B3GNT3: variants seen among roughly 807,000 people sequenced by gnomAD.
B3GNT3 encodes UDP-GlcNAc:betaGal beta-1,3-N-acetylglucosaminyltransferase 3.
A neutral mutation model predicts 11.6 loss-of-function variants in B3GNT3; 7 were observed. That is an observed-to-expected ratio of 0.60 (90% CI 0.34 to 1.13). The LOEUF (loss-of-function observed/expected upper bound fraction) is 1.13. Among genes scored for constraint, B3GNT3 ranks in the 50% most tolerant of loss-of-function variants. B3GNT3 has a pLI of 0.03. For missense variants in B3GNT3, 400 were observed against 507.4 expected (o/e 0.79, Z 2.03); for synonymous variants, 201 against 222.1 (o/e 0.90, Z 0.85).
At chr19:17,803,150 C>A (rs535375055) in intron 1 of B3GNT3, among the ~76,000 whole-genome samples, 4 of 152,166 alleles carry the variant, frequency 2.6e-5, no homozygotes, top group African/African-American at 9.6e-5. Flanking sequence ...GGATTACAGG[C>A]GTGTGCCACC....
At chr19:17,808,518 G>A (rs1255634302) in intron 2 of B3GNT3, 144 bp downstream of exon 2, 1 of 881,968 alleles carries the variant, frequency 1.1e-6, no homozygotes, top group Non-Finnish European at 1.7e-6. Context: ...CACCAGCCTC[G>A]TGGAGACCCA....
chr19:17,805,396 G>C (rs1396728119), intron 1 of B3GNT3, among the ~76,000 whole-genome samples: 4 of 152,114 alleles, frequency 2.6e-5, no homozygotes, highest in African/African-American at 9.7e-5. Context: ...ACCTTGCCCA[G>C]CCCACAGGGG....
intron 1 of B3GNT3, among the ~76,000 whole-genome samples, chr19:17,800,145 C>A (rs897740138): frequency 6.6e-6 from 1 of 151,788 alleles, no homozygotes; most frequent in South Asian, 2.1e-4. Context: ...GAGGCCGAGG[C>A]GGGCAGATCA....
Position 17,807,884 on chromosome 19 carries a change from G to C in B3GNT3, c.77G>C (p.Ser26Thr). The C allele has an allele frequency of 6.2e-7, 1 of 1,613,468 alleles. No individual in the cohort carries two copies. The highest frequency in any genetic ancestry group is 1.1e-5 in the South Asian group (1 of 91,084). ...GGCGCTTTCACCCTCCTCCTCTTCAGTCTGCTAGTGTCACCACCCACCTGC... is the reference window on the plus strand; with the variant it reads ...GGCGCTTTCACCCTCCTCCTCTTCACTCTGCTAGTGTCACCACCCACCTGC... Reference protein sequence around the residue: ...AIGAFTLLLFSLLVSPPTCKV... With the variant: ...AIGAFTLLLFTLLVSPPTCKV... Residue 26 changes from serine (S) to threonine (T), a missense_variant, in exon 2 of 3, where the codon AGT becomes ACT. Transcript: ENST00000318683.
intron 1 of B3GNT3, among the ~76,000 whole-genome samples, chr19:17,796,606 G>A (rs1568388940): frequency 6.6e-6 from 1 of 152,158 alleles, no homozygotes; most frequent in African/African-American, 2.4e-5. Flanking sequence ...GAAGAGGTGT[G>A]GCCCCCAGGT....
rs760993276 is a variant in B3GNT3 at position 17,807,864 on chromosome 19, T to C, written c.57T>C (p.Ala19=). The change falls in exon 2 of 3, where the codon GCT becomes GCC. Residue 19 remains alanine (A), a synonymous_variant. Coordinates refer to ENST00000318683, the MANE Select transcript of B3GNT3 (RefSeq NM_014256.4). The part of the protein sequence containing the change: ...PNATLILAIG[A]FTLLLFSLLV... ...CCACCCTCATTCTGGCCATCGGCGCTTTCACCCTCCTCCTCTTCAGTCTGC... is the reference window on the plus strand; with the variant it reads ...CCACCCTCATTCTGGCCATCGGCGCCTTCACCCTCCTCCTCTTCAGTCTGC... The C allele has an allele frequency of 8.1e-6, 13 of 1,613,156 alleles. No individual in the cohort carries two copies. The highest frequency in any genetic ancestry group is 1.1e-5 in the Non-Finnish European group (13 of 1,179,922).
intron 1 of B3GNT3, among the ~76,000 whole-genome samples, chr19:17,803,974 C>A (rs1011738548): frequency 2.0e-5 from 3 of 152,136 alleles, no homozygotes; most frequent in Non-Finnish European, 2.9e-5. Context: ...CCAGCCTGGA[C>A]AACATAGTGA....
chr19:17,797,605 A>G (rs1161622628), intron 1 of B3GNT3, among the ~76,000 whole-genome samples: 1 of 151,996 alleles, frequency 6.6e-6, no homozygotes, highest in African/African-American at 2.4e-5. Context: ...CATGGATGAC[A>G]TACAATTAGT....
chr19:17,801,633 G>A (rs536313490), intron 1 of B3GNT3, among the ~76,000 whole-genome samples: 6 of 151,690 alleles, frequency 4.0e-5, no homozygotes, highest in Non-Finnish European at 8.8e-5. Context: ...ACAGGTGCAC[G>A]CCACCACACC....
At chr19:17,803,871 A>T (rs12980510) in intron 1 of B3GNT3, among the ~76,000 whole-genome samples, 6,863 of 147,942 alleles carry the variant, frequency 0.046, 185 homozygotes, top group Non-Finnish European at 0.064. Context: ...AAAAAAAAAA[A>T]TTTTTAATTA....
Position 17,799,313 on chromosome 19 carries a change from G to C in B3GNT3, c.-51+4107G>C, listed in dbSNP as rs535637361. Reference sequence around the variant, plus strand: ...TTTGAGATGGAGTCTCATTTACCCGGGCTGGAGTGCAGTGGCGCAATCTCG... The same window carrying C: ...TTTGAGATGGAGTCTCATTTACCCGCGCTGGAGTGCAGTGGCGCAATCTCG... On this transcript the variant is annotated intron_variant, in intron 1 of 2. Transcript: ENST00000318683. Among the ~76,000 whole-genome samples, 29 of 148,190 alleles carry C rather than the reference G, an allele frequency of 2.0e-4. No homozygotes were observed. The East Asian group carries it at 5.3e-3, about 27-fold the overall frequency.
intron 1 of B3GNT3, among the ~76,000 whole-genome samples, chr19:17,802,164 G>C (rs903240487): frequency 3.3e-5 from 5 of 151,948 alleles, no homozygotes; most frequent in African/African-American, 1.2e-4. Flanking sequence ...CTAAGCTCAA[G>C]TGATCCTCCT....
chr19:17,796,153 T>A (rs565511449), intron 1 of B3GNT3, among the ~76,000 whole-genome samples: 1 of 152,274 alleles, frequency 6.6e-6, no homozygotes, highest in African/African-American at 2.4e-5. Context: ...AGTGGCTCCA[T>A]GCACTGTATT....
At chr19:17,805,757 T>A (rs1340164321) in intron 1 of B3GNT3, among the ~76,000 whole-genome samples, 1 of 152,158 alleles carries the variant, frequency 6.6e-6, no homozygotes, top group African/African-American at 2.4e-5. Flanking sequence ...TGGACCTGCC[T>A]CAGTAACAAT....
rs2240813 is a variant in B3GNT3 at position 17,808,215 on chromosome 19, A to T, written c.408A>T (p.Val136=). ...LRRTWGRERK[V]RGLQLRLLFL... Reference sequence around the variant, plus strand: ...GCACGTGGGGCCGCGAGCGCAAGGTACGGGGTTTGCAGCTGCGCCTCCTCT... The same window carrying T: ...GCACGTGGGGCCGCGAGCGCAAGGTTCGGGGTTTGCAGCTGCGCCTCCTCT... The change falls in exon 2 of 3, where the codon GTA becomes GTT. Residue 136 remains valine, a synonymous_variant. Transcript: ENST00000318683. The T allele has an allele frequency of 0.082, 132,474 of 1,613,182 alleles. 6,822 individuals carry two copies. Among genetic ancestry groups the T allele is most frequent in the Admixed American group, 0.22 (12,973 of 59,960 alleles).
intron 2 of B3GNT3, among the ~76,000 whole-genome samples, chr19:17,809,394 C>T (rs1024348467): frequency 6.6e-6 from 1 of 151,518 alleles, no homozygotes; most frequent in African/African-American, 2.4e-5. Flanking sequence ...AGCCACATAG[C>T]GAGACCTCAT....
At chr19:17,796,647 G>C (rs987870630) in intron 1 of B3GNT3, among the ~76,000 whole-genome samples, 6 of 152,192 alleles carry the variant, frequency 3.9e-5, no homozygotes, top group African/African-American at 1.4e-4. Flanking sequence ...TGGCCTAGGT[G>C]AGCAGTTGGG....
At chr19:17,809,927 T>TGCTC (rs1356347002) in intron 2 of B3GNT3, among the ~76,000 whole-genome samples, 1 of 151,966 alleles carries the variant, frequency 6.6e-6, no homozygotes, top group African/African-American at 2.4e-5. Context: ...TCATAGGAGG[T>TGCTC]ACAGACAGGC....
intron 1 of B3GNT3, among the ~76,000 whole-genome samples, chr19:17,805,604 C>A (rs2094172094): frequency 6.6e-6 from 1 of 152,110 alleles, no homozygotes; most frequent in Non-Finnish European, 1.5e-5. Context: ...CCTCGCTCTG[C>A]CACCAGCACC....
Sources: gnomAD v4.1 joint callset for allele counts (sites outside exome capture counted in the v4.1 genomes callset) on GRCh38, gnomAD v4.1.1 for gene constraint, MANE v1.5 for transcripts, NCBI Gene and HGNC (gene_info 2026-07-23, HGNC 2026-07-21) for gene names.